PALM2AKAP2: variants seen among roughly 807,000 people sequenced by gnomAD.
The protein encoded by PALM2AKAP2 is PALM2 and AKAP2 fusion, also known as PALM2-AKAP2 fusion protein.
PALM2AKAP2 carries 37 observed loss-of-function variants against 71.5 expected under a neutral mutation model. That is an observed-to-expected ratio of 0.52 (90% confidence interval 0.40 to 0.68). The LOEUF (loss-of-function observed/expected upper bound fraction) is 0.68. Ranked by LOEUF, PALM2AKAP2 falls within the 30% of genes least tolerant of loss-of-function variation. The pLI is 0.00. For missense variants in PALM2AKAP2, 1,224 were observed against 1,191.8 expected (o/e 1.03, Z -0.40); for synonymous variants, 468 against 478.8 (o/e 0.98, Z 0.29).
chr9:110,040,811 G>C (rs1012169499), intron 7 of PALM2AKAP2, among the ~76,000 whole-genome samples: 3 of 152,204 alleles, frequency 2.0e-5, no homozygotes, highest in Non-Finnish European at 4.4e-5. Flanking sequence ...AGTAAGAGCT[G>C]TCTTCTGGGA....
intron 6 of PALM2AKAP2, among the ~76,000 whole-genome samples, chr9:110,002,791 T>G (rs548579821): frequency 6.6e-6 from 1 of 152,374 alleles, no homozygotes; most frequent in Non-Finnish European, 1.5e-5. Context: ...TTTATCCATT[T>G]CTTCTAGATT....
intron 2 of PALM2AKAP2, among the ~76,000 whole-genome samples, chr9:110,146,514 A>T (rs1039506218): frequency 6.6e-6 from 1 of 152,212 alleles, no homozygotes; most frequent in African/African-American, 2.4e-5. Context: ...GCCATGCACA[A>T]AAACAGATGC....
chr9:109,789,040 C>A (rs1827038785), intron 1 of PALM2AKAP2, among the ~76,000 whole-genome samples: 3 of 152,184 alleles, frequency 2.0e-5, no homozygotes, highest in Admixed American at 2.0e-4. Context: ...CTGTTGGTTA[C>A]TTGACAACAC....
At chr9:110,133,251 G>C (rs1835773975) in intron 1 of PALM2AKAP2, among the ~76,000 whole-genome samples, 1 of 152,180 alleles carries the variant, frequency 6.6e-6, no homozygotes, top group African/African-American at 2.4e-5. Context: ...GTGTTCTTGG[G>C]AAATGGCTTT....
intron 3 of PALM2AKAP2, among the ~76,000 whole-genome samples, chr9:110,163,496 C>T (rs1042933251): frequency 1.3e-5 from 2 of 152,206 alleles, no homozygotes; most frequent in African/African-American, 4.8e-5. Flanking sequence ...TCCTCCCTTA[C>T]AATCTCGCAG....
intron 5 of PALM2AKAP2, among the ~76,000 whole-genome samples, chr9:109,930,782 A>G (rs1024501662): frequency 2.6e-5 from 4 of 152,206 alleles, no homozygotes; most frequent in Admixed American, 1.3e-4. Context: ...GATTTTGAAC[A>G]GAGGCAGAGG....
chr9:109,999,957 A>G (rs1369902439), intron 6 of PALM2AKAP2, among the ~76,000 whole-genome samples: 1 of 148,286 alleles, frequency 6.7e-6, no homozygotes, highest in African/African-American at 2.5e-5. Context: ...TTTTTTTTTT[A>G]AAGACTGAAA....
chr9:109,773,476 A>G (rs1172319368), intron 1 of PALM2AKAP2, among the ~76,000 whole-genome samples: 1 of 152,182 alleles, frequency 6.6e-6, no homozygotes, highest in Admixed American at 6.5e-5. Context: ...ACCAGTCAGC[A>G]TGTCCCTAAG....
chr9:109,921,654 A>G (rs1258395785), intron 3 of PALM2AKAP2, among the ~76,000 whole-genome samples: 1 of 152,220 alleles, frequency 6.6e-6, no homozygotes, highest in Non-Finnish European at 1.5e-5. Flanking sequence ...GACTTCAAGA[A>G]TGGTTGGGAG....
At chr9:110,098,529 T>A (rs1834917143) in intron 1 of PALM2AKAP2, among the ~76,000 whole-genome samples, 2 of 152,190 alleles carry the variant, frequency 1.3e-5, no homozygotes, top group South Asian at 4.1e-4. Context: ...TTAAAAAAAT[T>A]AATTGATTAC....
intron 1 of PALM2AKAP2, among the ~76,000 whole-genome samples, chr9:110,068,347 A>G (rs1374985500): frequency 6.7e-6 from 1 of 149,276 alleles, no homozygotes; most frequent in Non-Finnish European, 1.5e-5. Context: ...AATAAGGGGT[A>G]TGGGTGGTGG....
At chr9:110,061,351 T>G (rs1046092467) in intron 1 of PALM2AKAP2, among the ~76,000 whole-genome samples, 1 of 152,190 alleles carries the variant, frequency 6.6e-6, no homozygotes, top group Non-Finnish European at 1.5e-5. Flanking sequence ...ACCTTTAACA[T>G]GGGCCCATTT....
chr9:109,681,208 G>C (rs548082220), intron 1 of PALM2AKAP2, among the ~76,000 whole-genome samples: 18 of 152,266 alleles, frequency 1.2e-4, no homozygotes, highest in African/African-American at 3.8e-4. Context: ...TGGTCTATGA[G>C]CTCATTGAGG....
chr9:109,957,222 T>C (rs1453267862), intron 6 of PALM2AKAP2, among the ~76,000 whole-genome samples: 4 of 152,252 alleles, frequency 2.6e-5, no homozygotes, highest in Non-Finnish European at 5.9e-5. Context: ...TAGATCTGAT[T>C]GGGCTCTTGC....
intron 3 of PALM2AKAP2, among the ~76,000 whole-genome samples, chr9:109,917,497 T>C (rs1409546350): frequency 6.7e-6 from 1 of 149,014 alleles, no homozygotes; most frequent in Non-Finnish European, 1.5e-5. Context: ...TTTTTTTTTT[T>C]TTTTTTTTTG....
chr9:109,870,981 A>T (rs1292209937), intron 2 of PALM2AKAP2, among the ~76,000 whole-genome samples: 1 of 152,176 alleles, frequency 6.6e-6, no homozygotes, highest in Non-Finnish European at 1.5e-5. Context: ...ATAAGATATA[A>T]TTTTCATATT....
intron 6 of PALM2AKAP2, among the ~76,000 whole-genome samples, chr9:109,947,781 A>G (rs1831545374): frequency 6.6e-6 from 1 of 152,344 alleles, no homozygotes; most frequent in South Asian, 2.1e-4. Context: ...AATCATTCCA[A>G]AGTGAGCCAT....
intron 6 of PALM2AKAP2, among the ~76,000 whole-genome samples, chr9:110,008,167 G>A (rs1832818147): frequency 6.6e-6 from 1 of 152,126 alleles, no homozygotes. Flanking sequence ...CTACCCTTTG[G>A]GGAACAGGGG....
chr9:109,655,635 T>C (rs1411672280), intron 1 of PALM2AKAP2, among the ~76,000 whole-genome samples: 1 of 152,050 alleles, frequency 6.6e-6, no homozygotes, highest in Non-Finnish European at 1.5e-5. Flanking sequence ...CTACTTTTGG[T>C]TTCTGTGAAA....
Sources: gnomAD v4.1 joint callset for allele counts (sites outside exome capture counted in the v4.1 genomes callset) on GRCh38, gnomAD v4.1.1 for gene constraint, MANE v1.5 for transcripts, NCBI Gene and HGNC (gene_info 2026-07-23, HGNC 2026-07-21) for gene names.